Variants in LINGO2 observed in about 807,000 individuals in gnomAD.
The protein encoded by LINGO2 is leucine-rich repeat and immunoglobulin-like domain-containing nogo receptor-interacting protein 2.
A neutral mutation model predicts 30.6 loss-of-function variants in LINGO2; 14 were observed. That is an observed-to-expected ratio of 0.46 (90% CI 0.30 to 0.72). The LOEUF (loss-of-function observed/expected upper bound fraction) is 0.72. Among genes scored for constraint, LINGO2 ranks in the 30% least tolerant of loss-of-function variants. The probability of loss-of-function intolerance (pLI) is 0.07; values close to 1 mark genes in which losing one functional copy is unlikely to be tolerated. For missense variants in LINGO2, 729 were observed against 751.7 expected (o/e 0.97, Z 0.35); for synonymous variants, 317 against 288.5 (o/e 1.10, Z -1.00).
chr9:27,945,832 A>G (rs1327877986), downstream of LINGO2, among the ~76,000 whole-genome samples: 2 of 152,160 alleles, frequency 1.3e-5, no homozygotes, highest in African/African-American at 4.8e-5. Context: ...GTGAGAGTGT[A>G]GAAAATTAAA....
chr9:27,941,108 TTC>T, the LINGO2 span: 1 of 152,024 alleles, frequency 6.6e-6, no homozygotes, highest in East Asian at 1.9e-4. Context: ...TTTCAAGAAA[TTC>T]TCTCTCTAGG....
At chr9:28,693,499 T>G in the LINGO2 span, among the ~76,000 whole-genome samples, 1 of 152,042 alleles carries the variant, frequency 6.6e-6, no homozygotes. Context: ...AAATGTAAAA[T>G]AATAATTATT....
chr9:28,373,404 T>C (rs1165599280), intron 2 of LINGO2, among the ~76,000 whole-genome samples: 1 of 152,198 alleles, frequency 6.6e-6, no homozygotes, highest in Non-Finnish European at 1.5e-5. Flanking sequence ...TATTCTGTTG[T>C]TTATAATAAA....
chr9:28,195,095 T>G (rs1819961899), intron 4 of LINGO2, among the ~76,000 whole-genome samples: 1 of 151,836 alleles, frequency 6.6e-6, no homozygotes, highest in Admixed American at 6.6e-5. Flanking sequence ...TTTTTGAAAT[T>G]AAGGGGAAAA....
In LINGO2 at chr9:27,949,153, G is replaced by A. The variant is rs780715183; in HGVS notation, c.1519C>T (p.Arg507Cys). ...GGGGTCCTGTTCGCATAAAGAAAACGATCTGAAGCGAATCCTTTCACAGTT... is the reference window on the plus strand; with the variant it reads ...GGGGTCCTGTTCGCATAAAGAAAACAATCTGAAGCGAATCCTTTCACAGTT... Residue 507 changes from arginine to cysteine, a missense_variant, in exon 6 of 6, where the codon CGT (arginine) becomes TGT (cysteine). By Grantham distance (180) the Arg-to-Cys change is radical (BLOSUM62 -3). Coordinates refer to ENST00000379992, the Ensembl canonical transcript of LINGO2. 5.0e-6 allele frequency: 8 copies of A among 1,613,946 alleles called. No homozygotes were observed. In the East Asian group the frequency reaches 8.9e-5, roughly 18 times the overall value.
chr9:28,937,396 G>C, the LINGO2 span, among the ~76,000 whole-genome samples: 1 of 152,190 alleles, frequency 6.6e-6, no homozygotes, highest in Admixed American at 6.6e-5. Flanking sequence ...ACGGACATAG[G>C]AAAGACATTA....
the LINGO2 span, among the ~76,000 whole-genome samples, chr9:28,750,477 G>A: frequency 2.4e-3 from 369 of 152,168 alleles, 1 homozygote; most frequent in Admixed American, 4.7e-3. Flanking sequence ...TTCCAGCTGG[G>A]AGTGGCTCTG....
intron 1 of LINGO2, among the ~76,000 whole-genome samples, chr9:28,521,625 G>A (rs1351852086): frequency 6.6e-6 from 1 of 152,174 alleles, no homozygotes; most frequent in Non-Finnish European, 1.5e-5. Context: ...AAAGAAACTA[G>A]AATATGCAAA....
At chr9:29,091,400 CA>C in the LINGO2 span, among the ~76,000 whole-genome samples, 1 of 126,528 alleles carries the variant, frequency 7.9e-6, no homozygotes, top group East Asian at 2.5e-4. Flanking sequence ...AGTAATATTT[CA>C]AAAAAAATTT....
the LINGO2 span, among the ~76,000 whole-genome samples, chr9:28,855,558 T>G: frequency 6.6e-6 from 1 of 151,994 alleles, no homozygotes; most frequent in Non-Finnish European, 1.5e-5. Context: ...CTATTCATTT[T>G]TATACATTTT....
At chr9:28,074,645 G>GA (rs1479795872) in intron 4 of LINGO2, among the ~76,000 whole-genome samples, 2 of 152,092 alleles carry the variant, frequency 1.3e-5, no homozygotes, top group Non-Finnish European at 2.9e-5. Context: ...ATGGACAGAT[G>GA]AAAAAACCCA....
chr9:28,095,349 T>G (rs1826213709), intron 4 of LINGO2, among the ~76,000 whole-genome samples: 1 of 152,018 alleles, frequency 6.6e-6, no homozygotes, highest in African/African-American at 2.4e-5. Context: ...AAGCAGGTGG[T>G]GAATGTCATA....
At chr9:28,237,960 T>G (rs1405378031) in intron 4 of LINGO2, among the ~76,000 whole-genome samples, 1 of 152,016 alleles carries the variant, frequency 6.6e-6, no homozygotes, top group Non-Finnish European at 1.5e-5. Flanking sequence ...AATGGAAACC[T>G]AAAAAGAGCA....
At chr9:28,412,573 T>G (rs2134824619) in intron 2 of LINGO2, among the ~76,000 whole-genome samples, 1 of 152,162 alleles carries the variant, frequency 6.6e-6, no homozygotes, top group Admixed American at 6.6e-5. Flanking sequence ...TTCAGCAAAA[T>G]AGCAAGACAC....
the LINGO2 span, among the ~76,000 whole-genome samples, chr9:29,016,224 TC>T: frequency 6.6e-6 from 1 of 152,204 alleles, no homozygotes; most frequent in African/African-American, 2.4e-5. Context: ...CTCATTCATT[TC>T]CCTTAAACAG....
intron 4 of LINGO2, among the ~76,000 whole-genome samples, chr9:28,139,495 T>C (rs1040565726): frequency 4.6e-5 from 7 of 152,258 alleles, no homozygotes; most frequent in African/African-American, 1.4e-4. Flanking sequence ...GGGGCACAAA[T>C]GTAGAAAGAA....
At chr9:28,639,098 A>C (rs1282949598) in intron 1 of LINGO2, among the ~76,000 whole-genome samples, 1 of 152,154 alleles carries the variant, frequency 6.6e-6, no homozygotes, top group Non-Finnish European at 1.5e-5. Context: ...ACTCAGGAGC[A>C]GGTTGTTCAG....
intron 1 of LINGO2, among the ~76,000 whole-genome samples, chr9:28,666,122 C>G (rs1446433336): frequency 6.6e-6 from 1 of 151,956 alleles, no homozygotes; most frequent in African/African-American, 2.4e-5. Flanking sequence ...GAACTCCTGA[C>G]CTCAGGTGAT....
At chr9:27,949,762 T>C (rs764228694) in exon 6 of LINGO2, 8 of 1,613,968 alleles carry the variant, frequency 5.0e-6, no homozygotes, top group Middle Eastern at 1.6e-4. Flanking sequence ...GCCCCCACTA[T>C]ATGAAGCTCC....
Sources: gnomAD v4.1 joint callset for allele counts (sites outside exome capture counted in the v4.1 genomes callset) on GRCh38, gnomAD v4.1.1 for gene constraint, MANE v1.5 for transcripts, NCBI Gene and HGNC (gene_info 2026-07-23, HGNC 2026-07-21) for gene names.